CNOT3: variants seen among roughly 807,000 people sequenced by gnomAD.
CNOT3 encodes CCR4-NOT transcription complex subunit 3.
In CNOT3, 2 loss-of-function variants were observed where a neutral mutation model predicts 89.4. That is an observed-to-expected ratio of 0.02 (90% CI 0.01 to 0.07). The LOEUF (loss-of-function observed/expected upper bound fraction) is 0.07. Among genes scored for constraint, CNOT3 ranks in the 10% least tolerant of loss-of-function variants. The pLI, the probability that CNOT3 is intolerant of heterozygous loss-of-function variation, is 1.00. For synonymous variants in CNOT3, 486 were observed against 402.0 expected (o/e 1.21, Z -2.50); for missense variants, 664 against 1,010.2 (o/e 0.66, Z 4.65).
At position 54,153,852 on chromosome 19, in the gene CNOT3, G is replaced by C. The variant is rs376123450; in HGVS notation, c.2163+12G>C. On this transcript the variant is annotated intron_variant, in intron 17 of 17. Coordinates refer to ENST00000221232, the MANE Select transcript of CNOT3 (RefSeq NM_014516.4). ...ACGAGTTTGAGCAGGTGAGGGCCCCGCCCCCTCTCTTCCCGCTGCTAGGGT... is the reference window on the plus strand; with the variant it reads ...ACGAGTTTGAGCAGGTGAGGGCCCCCCCCCCTCTCTTCCCGCTGCTAGGGT... 6.2e-7 allele frequency: 1 copy of C among 1,614,014 alleles called. No homozygotes were observed. Among genetic ancestry groups the C allele is most frequent in the South Asian group, 1.1e-5 (1 of 91,086 alleles).
chr19:54,149,039 C>T (rs1386487494), intron 12 of CNOT3, among the ~76,000 whole-genome samples: 8 of 152,206 alleles, frequency 5.3e-5, no homozygotes. Flanking sequence ...TGCCTGAGGC[C>T]AATTGACTGC....
chr19:54,155,097 C>A, intron 17 of CNOT3: 1 of 593,642 alleles, frequency 1.7e-6, no homozygotes, highest in Non-Finnish European at 2.9e-6. Flanking sequence ...CCTCTGCGGC[C>A]CCCTCCGTTT....
rs1568640518 is a variant in CNOT3 at position 54,146,052 on chromosome 19, C to T, written c.837+9C>T. The T allele has an allele frequency of 1.9e-6, 3 of 1,612,484 alleles. No individual in the cohort carries two copies. The South Asian group carries it at 3.3e-5, about 18-fold the overall frequency. ...CAGCCAACTGTACCACGGTGAGGCC[C>T]CACGGGACACTAGTACCTTGTGTTT... is the stretch of plus-strand genomic sequence containing the variant. On this transcript the variant is annotated intron_variant, in intron 9 of 17. Transcript: ENST00000221232.
At chr19:54,155,090 C>T (rs2075339210) in intron 17 of CNOT3, 1 of 585,890 alleles carries the variant, frequency 1.7e-6, no homozygotes, top group Admixed American at 3.3e-5. Context: ...GGTGGAACCT[C>T]TGCGGCCCCC....
chr19:54,152,312 C>T lies in CNOT3; in HGVS notation c.1692C>T (p.His564=), dbSNP rs1213188492. 5 of 1,614,180 alleles carry T rather than the reference C, an allele frequency of 3.1e-6. No homozygotes were observed. Among genetic ancestry groups the T allele is most frequent in the Admixed American group, 3.3e-5 (2 of 60,032 alleles). ...TTGAGGACCCTGTGCCAACGCTGCACCTGACCGAGCGAGGTGAGGGACCCA... is the reference window on the plus strand; with the variant it reads ...TTGAGGACCCTGTGCCAACGCTGCATCTGACCGAGCGAGGTGAGGGACCCA... ...SGIEDPVPTL[H]LTERDIILSS... Residue 564 remains histidine (H), a synonymous_variant, in exon 14 of 18, where the codon CAC becomes CAT. Transcript: ENST00000221232.
intron 1 of CNOT3, chr19:54,141,952 C>T (rs1475895621): frequency 1.3e-5 from 2 of 152,180 alleles, no homozygotes; most frequent in African/African-American, 2.4e-5. Context: ...ACTAAAGCTC[C>T]TTGGAACTCC....
At chr19:54,146,885 A>T (rs1416653164) in intron 10 of CNOT3, among the ~76,000 whole-genome samples, 5 of 152,176 alleles carry the variant, frequency 3.3e-5, no homozygotes, top group African/African-American at 1.2e-4. Flanking sequence ...CAGTCAGGAG[A>T]TGCTGCTGTG....
intron 17 of CNOT3, 52 bp downstream of exon 17, chr19:54,153,892 C>T: frequency 6.2e-7 from 1 of 1,612,958 alleles, no homozygotes; most frequent in Non-Finnish European, 8.5e-7. Flanking sequence ...GTAGAGTCCC[C>T]AGGCTCCAGG....
Position 54,146,592 on chromosome 19 carries a change from C to T in CNOT3, c.838-9C>T, listed in dbSNP as rs1466567363. The T allele has an allele frequency of 7.0e-7, 1 of 1,422,780 alleles. No individual in the cohort carries two copies. The highest frequency in any genetic ancestry group is 1.7e-5 in the Admixed American group (1 of 59,784). The allele number at this position is 1,422,780 out of a possible 1,614,324, so 88.1% of individuals were successfully genotyped here. A position where few individuals can be genotyped will look rare whatever the true frequency, so the allele number is the denominator to read the frequency against. ...CACACAGGTTTCTATTCTGCCTCCC[C>T]TACCTCAGGAAAACTCTGAAGATGA... is the stretch of plus-strand genomic sequence containing the variant. On this transcript the variant is annotated splice_polypyrimidine_tract_variant and intron_variant, in intron 9 of 17. Coordinates refer to ENST00000221232, the MANE Select transcript of CNOT3 (RefSeq NM_014516.4).
chr19:54,144,418 G>A lies in CNOT3; in HGVS notation c.483+86G>A. 1 of 978,576 alleles carries A rather than the reference G, an allele frequency of 1.0e-6. No homozygotes were observed. The highest frequency in any genetic ancestry group is 1.6e-6 in the Non-Finnish European group (1 of 620,462). 60.6% of individuals were successfully genotyped at this position (978,576 alleles called of 1,614,324 possible). A position where few individuals can be genotyped will look rare whatever the true frequency, so the allele number is the denominator to read the frequency against. ...CAGGAGGCCAGTCATTTATGCTCCT[G>A]GGAGTTGGGGCCTGGATTCCTCAGG... On this transcript the variant is annotated intron_variant, in intron 7 of 17. Transcript: ENST00000221232. The surrounding 1 kb of genome is among the most constrained non-coding windows in gnomAD (Gnocchi z 4.8).
Position 54,145,651 on chromosome 19 carries a change from C to T in CNOT3, c.537C>T (p.His179=), listed in dbSNP as rs149814896. ...LKRHIEKHRY[H]VRMLETILRM... is the part of the protein sequence containing the mutation. ...GGCACATCGAGAAGCACCGCTACCACGTGCGCATGCTAGAGACCATCCTGC... is the reference window on the plus strand; with the variant it reads ...GGCACATCGAGAAGCACCGCTACCATGTGCGCATGCTAGAGACCATCCTGC... Residue 179 remains histidine, a synonymous_variant, in exon 8 of 18, where the codon CAC becomes CAT. Transcript: ENST00000221232. This position sits in a 1 kb window ranked among gnomAD's most constrained non-coding sequence, Gnocchi z 5.9. 3.1e-5 allele frequency: 50 copies of T among 1,613,792 alleles called. No homozygotes were observed. The African/African-American group carries it at 3.5e-4, about 11-fold the overall frequency.
At chr19:54,141,004 G>A (rs2074426643) in intron 1 of CNOT3, among the ~76,000 whole-genome samples, 1 of 152,166 alleles carries the variant, frequency 6.6e-6, no homozygotes, top group South Asian at 2.1e-4. Context: ...TGGGTTCTTG[G>A]GATGGAAAGA....
At chr19:54,142,593 GCA>G (rs1452684427) in intron 1 of CNOT3, 5 of 380,582 alleles carry the variant, frequency 1.3e-5, no homozygotes, top group Non-Finnish European at 2.5e-5. Flanking sequence ...TCAGCTGTGT[GCA>G]GCATGACTGT....
chr19:54,140,950 C>T (rs1330185506), intron 1 of CNOT3, among the ~76,000 whole-genome samples: 3 of 152,168 alleles, frequency 2.0e-5, no homozygotes, highest in African/African-American at 7.2e-5. Context: ...GACCATGAGA[C>T]CTCTTCTCTC....
At chr19:54,138,873 T>C (rs1317531465) in intron 1 of CNOT3, among the ~76,000 whole-genome samples, 1 of 152,210 alleles carries the variant, frequency 6.6e-6, no homozygotes, top group African/African-American at 2.4e-5. Flanking sequence ...GTGGCCCACG[T>C]CTGGTCTCAG....
chr19:54,154,137 C>G, intron 17 of CNOT3: 1 of 632,544 alleles, frequency 1.6e-6, no homozygotes, highest in Non-Finnish European at 3.0e-6. Flanking sequence ...TGGGCACACT[C>G]GCCTGGGGTG....
At chr19:54,146,722 T>G in intron 10 of CNOT3, 65 bp downstream of exon 10, 1 of 887,084 alleles carries the variant, frequency 1.1e-6, no homozygotes, top group South Asian at 1.3e-5. Context: ...AAAGGCATCT[T>G]GAGGCCTGAG....
intron 16 of CNOT3, chr19:54,153,364 G>A: frequency 1.3e-6 from 1 of 764,310 alleles, no homozygotes; most frequent in Non-Finnish European, 2.4e-6. Context: ...GGAGACCACT[G>A]GGGAGCTGTC....
At position 54,148,599 on chromosome 19, in the gene CNOT3, C is replaced by G; in HGVS notation, c.1283-21C>G. On this transcript the variant is annotated intron_variant, in intron 11 of 17. Coordinates refer to ENST00000221232, the MANE Select transcript of CNOT3 (RefSeq NM_014516.4). The surrounding 1 kb of genome is among the most constrained non-coding windows in gnomAD (Gnocchi z 6.3). ...GCTGGGCAGCAGGCAGCAGCCCTTT[C>G]CATTTACTCTTTGTTCCCAGGTTAC... 6.2e-7 allele frequency: 1 copy of G among 1,605,688 alleles called. No individual in the cohort carries two copies. Among genetic ancestry groups the G allele is most frequent in the Non-Finnish European group, 8.5e-7 (1 of 1,175,914 alleles).
Sources: gnomAD v4.1 joint callset for allele counts (sites outside exome capture counted in the v4.1 genomes callset) on GRCh38, gnomAD v4.1.1 for gene constraint, Gnocchi (gnomAD v3.1) non-coding constraint, MANE v1.5 for transcripts, NCBI Gene and HGNC (gene_info 2026-07-23, HGNC 2026-07-21) for gene names.